Variants in GOLGA5 observed in about 807,000 individuals in gnomAD.
The protein encoded by GOLGA5 is golgin A5.
GOLGA5 carries 50 observed loss-of-function variants against 93.5 expected under a neutral mutation model. The observed-to-expected ratio is 0.53, with a 90% confidence interval of 0.43 to 0.68. The LOEUF (loss-of-function observed/expected upper bound fraction) is 0.68, where lower values mean the gene tolerates loss of function less well. Among genes scored for constraint, GOLGA5 ranks in the 30% least tolerant of loss-of-function variants. The probability of loss-of-function intolerance (pLI) is 0.00; values close to 1 mark genes in which losing one functional copy is unlikely to be tolerated. For synonymous variants in GOLGA5, 312 were observed against 304.5 expected (o/e 1.02, Z -0.26); for missense variants, 760 against 856.4 (o/e 0.89, Z 1.40).
chr14:92,804,587 T>C (rs2140315110), intron 2 of GOLGA5, among the ~76,000 whole-genome samples: 1 of 152,138 alleles, frequency 6.6e-6, no homozygotes, highest in Admixed American at 6.5e-5. Context: ...TTTCATTTTC[T>C]TACTCTAAAA....
At position 92,835,543 on chromosome 14, in the gene GOLGA5, TTTC is replaced by T; in HGVS notation, c.1946-13_1946-11del. On this transcript the variant is annotated splice_polypyrimidine_tract_variant and intron_variant, in intron 10 of 12. Coordinates refer to ENST00000163416, the MANE Select transcript of GOLGA5 (RefSeq NM_005113.4). ...TTTTTATGTCAGTACACTAATTTATTTTCTTATTTAAACAGGCACTCGTCTGCG... is the reference window on the plus strand; with the variant it reads ...TTTTTATGTCAGTACACTAATTTATTTTATTTAAACAGGCACTCGTCTGCG... The T allele has an allele frequency of 6.6e-7, 1 of 1,524,334 alleles. No homozygotes were observed. The allele number at this position is 1,524,334 out of a possible 1,614,324, so 94.4% of individuals were successfully genotyped here.
At chr14:92,816,050 A>G (rs1199117193) in intron 6 of GOLGA5, among the ~76,000 whole-genome samples, 1 of 152,124 alleles carries the variant, frequency 6.6e-6, no homozygotes, top group Non-Finnish European at 1.5e-5. Flanking sequence ...CTTTACCATG[A>G]TTGTGGGGCT....
intron 9 of GOLGA5, among the ~76,000 whole-genome samples, chr14:92,831,268 A>T (rs1327385144): frequency 6.6e-6 from 1 of 152,362 alleles, no homozygotes; most frequent in East Asian, 1.9e-4. Flanking sequence ...AGTGTAAATG[A>T]AGATGTATGA....
chr14:92,824,382 T>C (rs940830196), intron 8 of GOLGA5, among the ~76,000 whole-genome samples, 164 bp from the exon 9 acceptor site: 1 of 152,224 alleles, frequency 6.6e-6, no homozygotes, highest in Non-Finnish European at 1.5e-5. Context: ...CACTTAATTA[T>C]ATACTCATTA....
Position 92,797,911 on chromosome 14 carries a change from C to A in GOLGA5, c.474C>A (p.Val158=). The A allele has an allele frequency of 6.2e-7, 1 of 1,612,296 alleles. No homozygotes were observed. The highest frequency in any genetic ancestry group is 8.5e-7 in the Non-Finnish European group (1 of 1,179,296). ...PVFQSSQTSS[V]SSVNPSVTTI... is the part of the protein sequence containing the mutation. ...TTCAGAGCTCTCAGACATCAAGTGTCAGTTCTGTGAACCCCAGTGTAACCA... is the reference window on the plus strand; with the variant it reads ...TTCAGAGCTCTCAGACATCAAGTGTAAGTTCTGTGAACCCCAGTGTAACCA... Residue 158 remains valine (V), a synonymous_variant, in exon 2 of 13, where the codon GTC becomes GTA. Coordinates refer to ENST00000163416, the MANE Select transcript of GOLGA5 (RefSeq NM_005113.4).
At chr14:92,822,847 G>T (rs752050746) in intron 8 of GOLGA5, among the ~76,000 whole-genome samples, 4 of 152,088 alleles carry the variant, frequency 2.6e-5, no homozygotes, top group Non-Finnish European at 5.9e-5. Context: ...AGTAGAGACA[G>T]GGTTTTACCA....
chr14:92,835,537 A>G (rs1885624212), intron 10 of GOLGA5, 22 bp from the exon 11 acceptor site: 1 of 1,486,148 alleles, frequency 6.7e-7, no homozygotes, highest in Non-Finnish European at 9.4e-7. Flanking sequence ...CAGTACACTA[A>G]TTTATTTTCT....
At chr14:92,808,812 T>C (rs1366755416) in intron 3 of GOLGA5, among the ~76,000 whole-genome samples, 1 of 152,182 alleles carries the variant, frequency 6.6e-6, no homozygotes, top group Non-Finnish European at 1.5e-5. Context: ...AATGCCATTG[T>C]ATTCTGAAAT....
At chr14:92,834,491 AGATAGT>A (rs1885598684) in intron 10 of GOLGA5, among the ~76,000 whole-genome samples, 1 of 152,206 alleles carries the variant, frequency 6.6e-6, no homozygotes, top group African/African-American at 2.4e-5. Flanking sequence ...AAAGGAGGTA[AGATAGT>A]GAACAATGAG....
At chr14:92,807,207 C>G (rs1259470126) in intron 3 of GOLGA5, among the ~76,000 whole-genome samples, 1 of 152,088 alleles carries the variant, frequency 6.6e-6, no homozygotes, top group Non-Finnish European at 1.5e-5. Context: ...GAGGCTGAGG[C>G]AGGGGAGTTG....
chr14:92,804,133 G>A (rs1490411675), intron 2 of GOLGA5, among the ~76,000 whole-genome samples: 3 of 152,000 alleles, frequency 2.0e-5, no homozygotes, highest in Admixed American at 6.5e-5. Context: ...ATGTAACCAA[G>A]GCTATAAATT....
At chr14:92,817,952 C>A (rs1885243063) in intron 7 of GOLGA5, among the ~76,000 whole-genome samples, 1 of 152,034 alleles carries the variant, frequency 6.6e-6, no homozygotes, top group African/African-American at 2.4e-5. Flanking sequence ...ATGTAATAGA[C>A]CCTCAGTTAA....
intron 12 of GOLGA5, among the ~76,000 whole-genome samples, chr14:92,837,865 GCAGA>G (rs1281163785): frequency 6.6e-6 from 1 of 152,150 alleles, no homozygotes; most frequent in African/African-American, 2.4e-5. Flanking sequence ...CACCCAGCCA[GCAGA>G]CAGTTTGGAA....
rs1187729485 is a variant in GOLGA5 at position 92,838,086 on chromosome 14, TTTAA to T, written c.2115+640_2115+643del. On this transcript the variant is annotated intron_variant, in intron 12 of 12. Coordinates refer to ENST00000163416, the MANE Select transcript of GOLGA5 (RefSeq NM_005113.4). ...TTTTATCTTGACGTTGTAAAGTTGC[TTTAA>T]TTGTTTTCATGTGTTTTGCTTTATT... Among the ~76,000 whole-genome samples, 4 of 152,222 alleles carry T rather than the reference TTTAA, an allele frequency of 2.6e-5. 1 individual carries two copies. The highest frequency in any genetic ancestry group is 2.0e-4 in the Admixed American group (3 of 15,274).
chr14:92,797,627 T>C lies in GOLGA5; in HGVS notation c.190T>C (p.Ser64Pro), dbSNP rs754288879. ...GACTGGACCTAAATCTACGTATATT[T>C]CATCAGCAGCTGATAACATTCGAAA... is the stretch of plus-strand genomic sequence containing the variant. ...YQTGPKSTYI[S>P]SAADNIRNQK... is the part of the protein sequence containing the mutation. The change falls in exon 2 of 13, where the codon TCA (serine) becomes CCA (proline). Residue 64 changes from serine (S) to proline (P), a missense_variant. By Grantham distance (74) the Ser-to-Pro change is moderately conservative. Coordinates refer to ENST00000163416, the MANE Select transcript of GOLGA5 (RefSeq NM_005113.4). 2 of 1,613,274 alleles carry C rather than the reference T, an allele frequency of 1.2e-6. No individual in the cohort carries two copies. The highest frequency in any genetic ancestry group is 1.7e-5 in the Admixed American group (1 of 60,018).
chr14:92,806,400 C>A (rs544351009), intron 2 of GOLGA5, among the ~76,000 whole-genome samples: 2 of 152,282 alleles, frequency 1.3e-5, no homozygotes, highest in East Asian at 3.9e-4. Flanking sequence ...ACACCTTTGG[C>A]CTCCCAGGCT....
At chr14:92,820,500 C>A (rs1885294960) in intron 8 of GOLGA5, among the ~76,000 whole-genome samples, 1 of 152,198 alleles carries the variant, frequency 6.6e-6, no homozygotes, top group Non-Finnish European at 1.5e-5. Flanking sequence ...AGAGGCCTTC[C>A]TCTTATCTCA....
At chr14:92,811,529 A>G (rs1460867364) in intron 5 of GOLGA5, 22 bp from the exon 6 acceptor site, 1 of 1,447,424 alleles carries the variant, frequency 6.9e-7, no homozygotes, top group Admixed American at 1.7e-5. Context: ...ATCATTAATT[A>G]TGATATAAAA....
At chr14:92,837,537 C>T (rs1003040442) in intron 12 of GOLGA5, 88 bp downstream of exon 12, 1 of 699,148 alleles carries the variant, frequency 1.4e-6, no homozygotes, top group Non-Finnish European at 2.6e-6. Flanking sequence ...GGCTACAGAT[C>T]TTATTGATAT....
Sources: allele counts gnomAD v4.1 joint callset (sites outside exome capture counted in the v4.1 genomes callset), GRCh38; gene constraint gnomAD v4.1.1; transcripts MANE v1.5; gene names NCBI Gene and HGNC (gene_info 2026-07-23, HGNC 2026-07-21).